RETREG1: variants seen among roughly 807,000 people sequenced by gnomAD.
RETREG1 encodes reticulophagy regulator 1, also known as family with sequence similarity 134 member B.
A neutral mutation model predicts 54.8 loss-of-function variants in RETREG1; 44 were observed. The ratio of observed to expected loss-of-function variants is 0.80; its 90% CI spans 0.63 to 1.03. The LOEUF is 1.03. Among genes scored for constraint, RETREG1 ranks in the 50% least tolerant of loss-of-function variants. RETREG1 has a pLI of 0.00. For synonymous variants in RETREG1, 217 were observed against 238.5 expected (o/e 0.91, Z 0.83); for missense variants, 554 against 605.1 (o/e 0.92, Z 0.89).
At chr5:16,523,166 G>A (rs902874910) in intron 3 of RETREG1, among the ~76,000 whole-genome samples, 6 of 152,146 alleles carry the variant, frequency 3.9e-5, no homozygotes, top group Admixed American at 2.0e-4. Context: ...TTACCATGGC[G>A]CATTTGTAGA....
At chr5:16,492,253 C>CACA (rs201203055) in intron 3 of RETREG1, among the ~76,000 whole-genome samples, 4,754 of 139,900 alleles carry the variant, frequency 0.034, 126 homozygotes, top group Non-Finnish European at 0.051. Flanking sequence ...ACACACACAC[C>CACA]ATTCTTGTTA....
chr5:16,587,224 C>T (rs550170038), intron 1 of RETREG1, among the ~76,000 whole-genome samples: 2 of 152,302 alleles, frequency 1.3e-5, no homozygotes, highest in East Asian at 3.9e-4. Flanking sequence ...CCGTCCTAGG[C>T]ATGCCCACTA....
intron 3 of RETREG1, among the ~76,000 whole-genome samples, chr5:16,509,851 G>T (rs375026135): frequency 1.3e-5 from 2 of 151,788 alleles, no homozygotes; most frequent in African/African-American, 4.8e-5. Context: ...AAAATTAGCC[G>T]GGCCTGATGG....
chr5:16,567,710 G>A (rs1266319598), intron 2 of RETREG1, among the ~76,000 whole-genome samples: 4 of 152,122 alleles, frequency 2.6e-5, no homozygotes, highest in Non-Finnish European at 5.9e-5. Context: ...TAATTCCAGT[G>A]CTTTGGGAGG....
At chr5:16,581,755 G>A (rs1163435614) in intron 1 of RETREG1, among the ~76,000 whole-genome samples, 2 of 131,092 alleles carry the variant, frequency 1.5e-5, no homozygotes, top group African/African-American at 5.6e-5. Flanking sequence ...GAAAAAAAAC[G>A]ATACATTTTT....
chr5:16,571,944 T>C (rs932755604), intron 2 of RETREG1, 52 bp downstream of exon 2: 10 of 1,359,052 alleles, frequency 7.4e-6, no homozygotes, highest in South Asian at 1.2e-5. Flanking sequence ...AGATCAGAAA[T>C]GCAGGGTCTA....
intron 3 of RETREG1, among the ~76,000 whole-genome samples, chr5:16,512,786 A>G (rs1740220146): frequency 6.6e-6 from 1 of 152,090 alleles, no homozygotes; most frequent in South Asian, 2.1e-4. Context: ...CAAAATTAAA[A>G]CTACATTTCT....
intron 1 of RETREG1, chr5:16,615,868 GCAAA>G (rs1743491550): frequency 6.6e-6 from 1 of 152,144 alleles, no homozygotes; most frequent in Non-Finnish European, 1.5e-5. Context: ...AGGACACTTA[GCAAA>G]CAAAGAAGGT....
chr5:16,560,288 A>C (rs1172700743), intron 3 of RETREG1, among the ~76,000 whole-genome samples: 1 of 152,234 alleles, frequency 6.6e-6, no homozygotes, highest in Non-Finnish European at 1.5e-5. Context: ...TGACAAAAGC[A>C]ATTTTTCCCA....
At position 16,505,058 on chromosome 5, in the gene RETREG1, G is replaced by A. The variant is rs371086134; in HGVS notation, c.459-21586C>T. On this transcript the variant is annotated intron_variant, in intron 3 of 8. Coordinates refer to ENST00000306320, the MANE Select transcript of RETREG1 (RefSeq NM_001034850.3). ...TTAGTGCAATTACGAATGACGTTTC[G>A]GCTTTAAAAGTGCTTTGGTGATCTT... Among the ~76,000 whole-genome samples, 14 of 152,204 alleles carry A rather than the reference G, an allele frequency of 9.2e-5. No individual in the cohort carries two copies. In the South Asian group the frequency reaches 2.3e-3, roughly 25 times the overall value.
Position 16,610,395 on chromosome 5 carries a change from T to C in RETREG1, c.320+6257A>G, listed in dbSNP as rs192385153. Among the ~76,000 whole-genome samples, 327 of 152,338 alleles carry C rather than the reference T, an allele frequency of 2.1e-3. 1 individual carries two copies. Among genetic ancestry groups the C allele is most frequent in the Non-Finnish European group, 4.0e-3 (271 of 68,038 alleles). ...CACAGGCACTAAGGAAAAAGGCCTA[T>C]GCATGGACTTTTCTAAATGCCATGG... is the stretch of plus-strand genomic sequence containing the variant. On this transcript the variant is annotated intron_variant, in intron 1 of 8. Coordinates refer to ENST00000306320, the MANE Select transcript of RETREG1 (RefSeq NM_001034850.3).
intron 3 of RETREG1, among the ~76,000 whole-genome samples, chr5:16,530,195 G>A (rs1226795179): frequency 6.6e-6 from 1 of 152,156 alleles, no homozygotes; most frequent in East Asian, 1.9e-4. Context: ...CCATGTGATT[G>A]TAACTCTTTG....
In RETREG1 at chr5:16,473,282, TC is replaced by T. The variant is rs1159466950; in HGVS notation, c.*1458del. The T allele has an allele frequency of 4.6e-5, 7 of 152,572 alleles. No individual in the cohort carries two copies. In the East Asian group the frequency reaches 1.3e-3, roughly 29 times the overall value. 9.5% of individuals were successfully genotyped at this position (152,572 alleles called of 1,614,324 possible). A position where few individuals can be genotyped will look rare whatever the true frequency, so the allele number is the denominator to read the frequency against. ...ATAAGCAATCACAAAAAGCAAGTGT[TC>T]AAAGTCTTCAGTAACTCTTCTCCCT... On this transcript the variant is annotated 3_prime_UTR_variant, in exon 9 of 9. Transcript: ENST00000306320.
In RETREG1 at chr5:16,573,735, G is replaced by GTTTTTTTTTTTTTTTT. The variant is rs3993826; in HGVS notation, c.321-1634_321-1633insAAAAAAAAAAAAAAAA. 2.5e-5 allele frequency among the ~76,000 whole-genome samples: 3 copies of GTTTTTTTTTTTTTTTT among 122,102 alleles called. 1 individual carries two copies. The highest frequency in any genetic ancestry group is 5.1e-5 in the Non-Finnish European group (3 of 58,268). 80.1% of individuals were successfully genotyped at this position (122,102 alleles called of 152,430 possible). On this transcript the variant is annotated intron_variant, in intron 1 of 8. Coordinates refer to ENST00000306320, the MANE Select transcript of RETREG1 (RefSeq NM_001034850.3). ...TTTAATTGGTTTTTTGGGTTTGTTT[G>GTTTTTTTTTTTTTTTT]TTTTTTGTTTTTTTTTTTTTTTTTT...
intron 3 of RETREG1, among the ~76,000 whole-genome samples, chr5:16,485,300 T>C (rs937718485): frequency 1.3e-5 from 2 of 152,104 alleles, no homozygotes; most frequent in African/African-American, 2.4e-5. Flanking sequence ...GTTTGCCCAA[T>C]ATAATTCTAA....
chr5:16,578,000 A>C (rs528034620), intron 1 of RETREG1, among the ~76,000 whole-genome samples: 3 of 152,346 alleles, frequency 2.0e-5, no homozygotes, highest in Admixed American at 1.3e-4. Context: ...AAACAGACTC[A>C]TACGTTTTCT....
Position 16,508,951 on chromosome 5 carries a change from C to T in RETREG1, c.459-25479G>A, listed in dbSNP as rs1344872827. ...GCCCAGCTGCCCCGCATTCTCTCTCCAGTCCTGTGAGAAGGTGTCCCCGCT... is the reference window on the plus strand; with the variant it reads ...GCCCAGCTGCCCCGCATTCTCTCTCTAGTCCTGTGAGAAGGTGTCCCCGCT... On this transcript the variant is annotated intron_variant, in intron 3 of 8. Transcript: ENST00000306320. 4 of 1,125,346 alleles carry T rather than the reference C, an allele frequency of 3.6e-6. No homozygotes were observed. In the Admixed American group the frequency reaches 1.8e-4, roughly 50 times the overall value. The allele number at this position is 1,125,346 out of a possible 1,614,324, so 69.7% of individuals were successfully genotyped here.
intron 3 of RETREG1, among the ~76,000 whole-genome samples, chr5:16,506,542 C>G (rs1739964828): frequency 6.6e-6 from 1 of 150,662 alleles, no homozygotes; most frequent in African/African-American, 2.4e-5. Flanking sequence ...GGGCTGATCA[C>G]AGCTCACTGC....
chr5:16,593,592 G>A lies in RETREG1; in HGVS notation c.321-21490C>T, dbSNP rs998964329. The stretch of plus-strand genomic sequence containing the variant: ...AATTGGGGGAAAAAAAAAACTATGG[G>A]GAACATTAAAATGTCTATACCATTT... On this transcript the variant is annotated intron_variant, in intron 1 of 8. Transcript: ENST00000306320. This position sits in a 1 kb window ranked among gnomAD's most constrained non-coding sequence, Gnocchi z 4.9. 6.6e-6 allele frequency among the ~76,000 whole-genome samples: 1 copy of A among 152,014 alleles called. No homozygotes were observed. The highest frequency in any genetic ancestry group is 1.5e-5 in the Non-Finnish European group (1 of 67,996).
Sources: allele counts gnomAD v4.1 joint callset (sites outside exome capture counted in the v4.1 genomes callset), GRCh38; gene constraint gnomAD v4.1.1; non-coding constraint Gnocchi (gnomAD v3.1); transcripts MANE v1.5; gene names NCBI Gene and HGNC (gene_info 2026-07-23, HGNC 2026-07-21).